The following ADGRV1 variants were observed in gnomAD, a reference collection of about 807,000 sequenced individuals.
ADGRV1 encodes the protein adhesion G protein-coupled receptor V1.
In ADGRV1, 359 loss-of-function variants were observed where a neutral mutation model predicts 596.2. That is an observed-to-expected ratio of 0.60 (90% CI 0.55 to 0.66). ADGRV1 has a LOEUF of 0.66. Among genes scored for constraint, ADGRV1 ranks in the 30% least tolerant of loss-of-function variants. ADGRV1 has a pLI of 0.00. For synonymous variants in ADGRV1, 2,681 were observed against 2,679.2 expected, an observed-to-expected ratio of 1.00 and a Z score of -0.02; for missense variants, 7,274 against 7,575.6, an observed-to-expected ratio of 0.96 and a Z score of 1.48.
In ADGRV1 at chr5:90,731,794, T is replaced by G. The variant is rs181850088; in HGVS notation, c.10549+2030T>G. On this transcript the variant is annotated intron_variant, in intron 50 of 89. Transcript: ENST00000405460. ...TCTTAGAATCTATTCATATTTATTG[T>G]GTAAGAGATTAAAACTGAGAAATGT... Among the ~76,000 whole-genome samples, 5 of 152,308 alleles carry G rather than the reference T, an allele frequency of 3.3e-5. No homozygotes were observed. In the South Asian group the frequency reaches 1.0e-3, roughly 32 times the overall value.
intron 87 of ADGRV1, among the ~76,000 whole-genome samples, chr5:91,132,162 G>T (rs1249493556): frequency 6.6e-6 from 1 of 152,082 alleles, no homozygotes; most frequent in Non-Finnish European, 1.5e-5. Context: ...ACAGATTCTT[G>T]ACTCTCACTG....
At chr5:90,978,802 A>T (rs550836503) in intron 84 of ADGRV1, among the ~76,000 whole-genome samples, 1 of 152,236 alleles carries the variant, frequency 6.6e-6, no homozygotes, top group Admixed American at 6.5e-5. Flanking sequence ...ACTCAAAACT[A>T]AACCAAATAA....
At chr5:90,936,954 A>G (rs1775747225) in intron 83 of ADGRV1, among the ~76,000 whole-genome samples, 1 of 152,144 alleles carries the variant, frequency 6.6e-6, no homozygotes, top group Admixed American at 6.5e-5. Flanking sequence ...ATAAAATTCT[A>G]GGTTAATACT....
intron 1 of ADGRV1, among the ~76,000 whole-genome samples, chr5:90,581,371 AT>A (rs1332131308): frequency 6.6e-6 from 1 of 151,982 alleles, no homozygotes; most frequent in Non-Finnish European, 1.5e-5. Flanking sequence ...TTCTGCTCTG[AT>A]TTCTCCCCAT....
At chr5:90,737,947 T>C (rs534282803) in intron 50 of ADGRV1, among the ~76,000 whole-genome samples, 1 of 148,556 alleles carries the variant, frequency 6.7e-6, no homozygotes, top group East Asian at 1.9e-4. Context: ...AGGAGCAGAC[T>C]TGCTACTGCC....
At chr5:90,657,249 C>G (rs1375901348) in intron 20 of ADGRV1, among the ~76,000 whole-genome samples, 1 of 151,176 alleles carries the variant, frequency 6.6e-6, no homozygotes, top group Non-Finnish European at 1.5e-5. Context: ...TAGCAAGACC[C>G]TGTCTCTACA....
chr5:91,162,208 C>G (rs1797006992), intron 89 of ADGRV1, among the ~76,000 whole-genome samples: 1 of 152,192 alleles, frequency 6.6e-6, no homozygotes, highest in Admixed American at 6.5e-5. Context: ...CACACATTTG[C>G]TGAACACCTG....
intron 1 of ADGRV1, among the ~76,000 whole-genome samples, chr5:90,580,307 G>A (rs892064116): frequency 6.6e-6 from 1 of 152,134 alleles, no homozygotes; most frequent in Non-Finnish European, 1.5e-5. Flanking sequence ...GGCAGGCCTG[G>A]TGGTGACAAA....
intron 79 of ADGRV1, among the ~76,000 whole-genome samples, chr5:90,851,134 T>TGTGAGAGAGA (rs757909771): frequency 2.0e-4 from 16 of 81,510 alleles, no homozygotes; most frequent in East Asian, 1.3e-3. Context: ...TGTGTGTGTG[T>TGTGAGAGAGA]GAGAGAGAGA....
intron 85 of ADGRV1, among the ~76,000 whole-genome samples, chr5:91,028,897 T>C (rs1784254788): frequency 6.6e-6 from 1 of 151,924 alleles, no homozygotes; most frequent in Non-Finnish European, 1.5e-5. Context: ...CCTCACCATG[T>C]GGCTAAGTTT....
At chr5:91,118,960 T>C (rs1793079278) in intron 87 of ADGRV1, among the ~76,000 whole-genome samples, 1 of 152,148 alleles carries the variant, frequency 6.6e-6, no homozygotes, top group Non-Finnish European at 1.5e-5. Flanking sequence ...CAACATCTGT[T>C]TTCTATTGCA....
intron 85 of ADGRV1, among the ~76,000 whole-genome samples, chr5:91,066,331 C>A (rs552841413): frequency 1.3e-4 from 20 of 152,262 alleles, no homozygotes; most frequent in Admixed American, 4.6e-4. Flanking sequence ...GTGCTCTAAT[C>A]CTCAAACTAA....
intron 85 of ADGRV1, among the ~76,000 whole-genome samples, chr5:91,067,531 T>C (rs11960752): frequency 1.1e-4 from 17 of 152,180 alleles, no homozygotes; most frequent in African/African-American, 4.1e-4. Context: ...ACTTCCAACC[T>C]CCCAAAGGTT....
chr5:90,913,911 G>T (rs1230987385), intron 83 of ADGRV1, among the ~76,000 whole-genome samples: 1 of 152,106 alleles, frequency 6.6e-6, no homozygotes, highest in African/African-American at 2.4e-5. Context: ...ATCTTTGCGG[G>T]TGAATATTGT....
intron 73 of ADGRV1, among the ~76,000 whole-genome samples, chr5:90,809,096 A>G (rs1458351687): frequency 1.3e-5 from 2 of 151,804 alleles, no homozygotes; most frequent in South Asian, 2.1e-4. Context: ...AGTTGGGACG[A>G]CAGGCACCTG....
At position 90,619,174 on chromosome 5, in the gene ADGRV1, T is replaced by A; in HGVS notation, c.446T>A (p.Phe149Tyr). 7.3e-7 allele frequency: 1 copy of A among 1,376,734 alleles called. No homozygotes were observed. The highest frequency in any genetic ancestry group is 2.6e-5 in the East Asian group (1 of 38,368). 85.3% of individuals were successfully genotyped at this position (1,376,734 alleles called of 1,614,324 possible). A position where few individuals can be genotyped will look rare whatever the true frequency, so the allele number is the denominator to read the frequency against. ...GACAATGCATTTGGAATTATTTCAT[T>A]TAATATGGTATGGACACAATTTGAT... The part of the protein sequence containing the change: ...SNDNAFGIIS[F>Y]NMLPSIAVSE... The change falls in exon 4 of 90, where the codon TTT becomes TAT. Residue 149 changes from phenylalanine to tyrosine, a missense_variant. Transcript: ENST00000405460.
chr5:90,783,494 C>T (rs1054052902), intron 66 of ADGRV1, among the ~76,000 whole-genome samples, 169 bp downstream of exon 66: 2 of 150,472 alleles, frequency 1.3e-5, no homozygotes, highest in African/African-American at 2.4e-5. Flanking sequence ...GGCTAGGAGA[C>T]GATGTGGTTG....
intron 85 of ADGRV1, among the ~76,000 whole-genome samples, 157 bp from the exon 86 acceptor site, chr5:91,072,290 T>G (rs1031101251): frequency 6.6e-6 from 1 of 152,144 alleles, no homozygotes; most frequent in African/African-American, 2.4e-5. Flanking sequence ...AATCAGATGT[T>G]GTACTCAAAC....
intron 82 of ADGRV1, among the ~76,000 whole-genome samples, chr5:90,859,437 T>A (rs1767332980): frequency 6.6e-6 from 1 of 152,144 alleles, no homozygotes; most frequent in Non-Finnish European, 1.5e-5. Context: ...AAAATTATTT[T>A]ATTTATTTAT....
Sources: gnomAD v4.1 joint callset for allele counts (sites outside exome capture counted in the v4.1 genomes callset) on GRCh38, gnomAD v4.1.1 for gene constraint, MANE v1.5 for transcripts, NCBI Gene and HGNC (gene_info 2026-07-23, HGNC 2026-07-21) for gene names.